The following PCLO variants were observed in gnomAD, a reference collection of about 807,000 sequenced individuals.
PCLO encodes piccolo presynaptic cytomatrix protein.
A neutral mutation model predicts 427.5 loss-of-function variants in PCLO; 82 were observed. The ratio of observed to expected loss-of-function variants is 0.19; its 90% CI spans 0.16 to 0.23. The LOEUF is 0.23. Ranked by LOEUF, PCLO falls within the 10% of genes least tolerant of loss-of-function variation. The probability of loss-of-function intolerance (pLI) is 1.00; values close to 1 mark genes in which losing one functional copy is unlikely to be tolerated. For missense variants in PCLO, 6,239 were observed against 6,115.9 expected (o/e 1.02, Z -0.67); for synonymous variants, 2,357 against 2,155.4 (o/e 1.09, Z -2.59).
At chr7:83,050,735 T>A (rs1409461560) in intron 3 of PCLO, among the ~76,000 whole-genome samples, 1 of 132,908 alleles carries the variant, frequency 7.5e-6, no homozygotes, top group Non-Finnish European at 1.6e-5. Flanking sequence ...AAACCCTATC[T>A]CTACTAAAAA....
At chr7:82,975,081 T>C (rs1795988818) in intron 3 of PCLO, among the ~76,000 whole-genome samples, 2 of 152,162 alleles carry the variant, frequency 1.3e-5, no homozygotes, top group African/African-American at 2.4e-5. Flanking sequence ...CCAGCAGGTA[T>C]ATCTTTATTA....
chr7:82,831,738 A>G (rs1303250527), intron 16 of PCLO, among the ~76,000 whole-genome samples: 1 of 152,204 alleles, frequency 6.6e-6, no homozygotes, highest in Admixed American at 6.6e-5. Context: ...AGAATTAATG[A>G]AAGTAAAAAC....
chr7:83,011,912 T>A (rs1788086892), intron 3 of PCLO, among the ~76,000 whole-genome samples: 1 of 152,226 alleles, frequency 6.6e-6, no homozygotes, highest in South Asian at 2.1e-4. Context: ...AATGACAGAC[T>A]CTGCTAGGCA....
At chr7:83,138,443 C>T (rs540286285) in intron 2 of PCLO, among the ~76,000 whole-genome samples, 1 of 152,182 alleles carries the variant, frequency 6.6e-6, no homozygotes, top group South Asian at 2.1e-4. Context: ...GGCAGATCTC[C>T]TGAGGTCAGG....
chr7:83,139,768 C>A (rs1421441819), intron 2 of PCLO, among the ~76,000 whole-genome samples: 1 of 152,118 alleles, frequency 6.6e-6, no homozygotes, highest in Non-Finnish European at 1.5e-5. Flanking sequence ...AACATTCACC[C>A]TCATTGCTAG....
intron 20 of PCLO, among the ~76,000 whole-genome samples, chr7:82,806,155 T>C (rs909048089): frequency 1.3e-5 from 2 of 152,130 alleles, no homozygotes; most frequent in Non-Finnish European, 2.9e-5. Flanking sequence ...GCAAAAATGA[T>C]ATGGTAAATA....
chr7:82,945,397 C>T (rs1412401304), intron 6 of PCLO, among the ~76,000 whole-genome samples: 2 of 148,916 alleles, frequency 1.3e-5, no homozygotes, highest in Admixed American at 6.6e-5. Flanking sequence ...AATTTTGTCT[C>T]CTCCAAAAAA....
chr7:83,156,057 A>C lies in PCLO; in HGVS notation c.584T>G (p.Val195Gly). 1 of 1,609,246 alleles carries C rather than the reference A, an allele frequency of 6.2e-7. No individual in the cohort carries two copies. The highest frequency in any genetic ancestry group is 8.5e-7 in the Non-Finnish European group (1 of 1,178,378). The change falls in exon 2 of 25, where the codon GTG becomes GGG. Residue 195 changes from valine (V) to glycine (G), a missense_variant. Val to Gly is a moderately radical substitution (Grantham distance 109, BLOSUM62 -3). Transcript: ENST00000333891. ...SQEETTKKQK[V>G]VQKEQGKPEG... is the part of the protein sequence containing the mutation. ...AGGTTTTCCTTGCTCCTTCTGAACC[A>C]CTTTTTGTTTCTTGGTGGTTTCTTC...
intron 7 of PCLO, among the ~76,000 whole-genome samples, chr7:82,913,057 A>C (rs1794360618): frequency 6.6e-6 from 1 of 152,054 alleles, no homozygotes; most frequent in African/African-American, 2.4e-5. Context: ...GAAATATTAA[A>C]GACTGTTCCC....
At chr7:82,776,906 G>GCA (rs59900491) in intron 22 of PCLO, among the ~76,000 whole-genome samples, 4,204 of 139,270 alleles carry the variant, frequency 0.03, 64 homozygotes, top group Non-Finnish European at 0.033. Flanking sequence ...ATAGATATAC[G>GCA]CACACACACA....
At chr7:82,781,930 C>T (rs1790881424) in intron 22 of PCLO, among the ~76,000 whole-genome samples, 1 of 152,178 alleles carries the variant, frequency 6.6e-6, no homozygotes, top group African/African-American at 2.4e-5. Flanking sequence ...TCGCCCCTTC[C>T]CCCATACCTT....
Position 82,879,431 on chromosome 7 carries a change from A to G in PCLO, c.13560T>C (p.Gly4520=), listed in dbSNP as rs778083524. The G allele has an allele frequency of 6.2e-7, 1 of 1,605,088 alleles. No individual in the cohort carries two copies. The highest frequency in any genetic ancestry group is 8.5e-7 in the Non-Finnish European group (1 of 1,173,228). ...CTCCACTATGTCCCGGGATTTCTTT[A>G]CCACCCACAATTCTAATTCCTAATC... ...GNGLGIRIVG[G]KEIPGHSGEI... The change falls in exon 10 of 25, where the codon GGT becomes GGC. Residue 4520 remains glycine (G), a synonymous_variant. Transcript: ENST00000333891.
intron 3 of PCLO, among the ~76,000 whole-genome samples, chr7:83,130,052 G>A (rs954716396): frequency 4.0e-5 from 6 of 149,734 alleles, no homozygotes; most frequent in South Asian, 4.2e-4. Context: ...TTTTTATACC[G>A]ACTTTAAAAC....
chr7:83,085,106 C>T (rs1007153117), intron 3 of PCLO, among the ~76,000 whole-genome samples: 7 of 152,078 alleles, frequency 4.6e-5, no homozygotes, highest in Non-Finnish European at 8.8e-5. Context: ...ACATACACTA[C>T]CAATGATGCA....
At chr7:82,801,628 T>C in intron 21 of PCLO, 37 bp from the exon 22 acceptor site, 6 of 1,262,482 alleles carry the variant, frequency 4.8e-6, no homozygotes, top group Non-Finnish European at 6.9e-6. Context: ...TATTCAGTTA[T>C]GATCTCATGA....
At chr7:82,814,149 G>A (rs181141070) in intron 20 of PCLO, among the ~76,000 whole-genome samples, 87 of 151,308 alleles carry the variant, frequency 5.7e-4, no homozygotes, top group African/African-American at 1.8e-3. Flanking sequence ...AATTTCAAAA[G>A]GAAAAAGTAA....
intron 3 of PCLO, among the ~76,000 whole-genome samples, chr7:83,125,659 G>A (rs1791419941): frequency 6.6e-6 from 1 of 152,142 alleles, no homozygotes; most frequent in South Asian, 2.1e-4. Context: ...TGCAAGATGT[G>A]CTTTGTTAAA....
rs763796564 is a variant in PCLO, at chr7:82,827,941, G to A, written c.14275C>T (p.His4759Tyr). 6.2e-7 allele frequency: 1 copy of A among 1,600,366 alleles called. No homozygotes were observed. Among genetic ancestry groups the A allele is most frequent in the Admixed American group, 1.7e-5 (1 of 59,628 alleles). The stretch of plus-strand genomic sequence containing the variant: ...TCAGGATTAAGACTTTTCTGGACAT[G>A]TTTAGTCCTTCTCTTGTACTCAGCA... ...ASAEYKRRTK[H>Y]VQKSLNPEWN... is the part of the protein sequence containing the mutation. The change falls in exon 17 of 25, where the codon CAT (histidine) becomes TAT (tyrosine). Residue 4759 changes from histidine (H) to tyrosine (Y), a missense_variant. Physicochemically the swap from His to Tyr is moderately conservative, Grantham distance 83. Transcript: ENST00000333891.
chr7:82,777,995 T>C (rs1790789590), intron 22 of PCLO, among the ~76,000 whole-genome samples: 1 of 151,814 alleles, frequency 6.6e-6, no homozygotes, highest in Non-Finnish European at 1.5e-5. Flanking sequence ...TGGGAGAAAA[T>C]TTTTGCAAAC....
Sources: gnomAD v4.1 joint callset for allele counts (sites outside exome capture counted in the v4.1 genomes callset) on GRCh38, gnomAD v4.1.1 for gene constraint, MANE v1.5 for transcripts, NCBI Gene and HGNC (gene_info 2026-07-23, HGNC 2026-07-21) for gene names.